Variants in SPOCK1 observed in about 807,000 individuals in gnomAD.
SPOCK1 encodes testican-1.
In SPOCK1, 23 loss-of-function variants were observed where a neutral mutation model predicts 55.3. The observed-to-expected ratio is 0.42, with a 90% CI of 0.30 to 0.59. SPOCK1 has a LOEUF of 0.59. Among genes scored for constraint, SPOCK1 ranks in the 20% least tolerant of loss-of-function variants. The pLI, the probability that SPOCK1 is intolerant of heterozygous loss-of-function variation, is 0.22. For missense variants in SPOCK1, 499 were observed against 552.5 expected, an observed-to-expected ratio of 0.90 and a Z score of 0.97; for synonymous variants, 226 against 221.0, an observed-to-expected ratio of 1.02 and a Z score of -0.20.
chr5:137,312,738 C>G (rs1757811356), intron 2 of SPOCK1, among the ~76,000 whole-genome samples: 1 of 152,182 alleles, frequency 6.6e-6, no homozygotes, highest in Non-Finnish European at 1.5e-5. Flanking sequence ...AAAGCACCCA[C>G]AGGGGCTGTG....
chr5:137,315,982 G>A (rs920596954), intron 2 of SPOCK1, among the ~76,000 whole-genome samples: 6 of 152,176 alleles, frequency 3.9e-5, no homozygotes, highest in South Asian at 2.1e-4. Flanking sequence ...GAGGTGAGCC[G>A]CTAGTTGTTG....
At chr5:137,490,602 G>A (rs944712760) in intron 2 of SPOCK1, among the ~76,000 whole-genome samples, 1 of 152,136 alleles carries the variant, frequency 6.6e-6, no homozygotes, top group Non-Finnish European at 1.5e-5. Flanking sequence ...GTGAGCTGGA[G>A]GCAACTGGAT....
chr5:137,454,118 G>A (rs1351462527), intron 2 of SPOCK1, among the ~76,000 whole-genome samples: 2 of 152,150 alleles, frequency 1.3e-5, no homozygotes, highest in African/African-American at 4.8e-5. Context: ...TGAGAATAGT[G>A]AAGATAAATC....
chr5:137,001,170 C>A (rs2881776), intron 6 of SPOCK1, among the ~76,000 whole-genome samples: 4 of 152,058 alleles, frequency 2.6e-5, no homozygotes, highest in Admixed American at 6.5e-5. Context: ...ATTAGGACCA[C>A]GAGGAGAATG....
chr5:137,251,821 A>G (rs56302047), intron 3 of SPOCK1, among the ~76,000 whole-genome samples: 5,118 of 152,300 alleles, frequency 0.034, 322 homozygotes, highest in African/African-American at 0.12. Flanking sequence ...GAGATAATAC[A>G]TTACAATTTG....
Position 137,246,707 on chromosome 5 carries a change from C to T in SPOCK1, c.232+20303G>A, listed in dbSNP as rs921032132. On this transcript the variant is annotated intron_variant, in intron 3 of 10. Coordinates refer to ENST00000394945, the MANE Select transcript of SPOCK1 (RefSeq NM_004598.4). ...ATCTGCCATGAATGACCACTCCCAC[C>T]CACTACTCTAGATCTCATTCTGTCA... 2.6e-5 allele frequency among the ~76,000 whole-genome samples: 4 copies of T among 152,164 alleles called. No homozygotes were observed. In the East Asian group the frequency reaches 7.7e-4, roughly 29 times the overall value.
intron 2 of SPOCK1, among the ~76,000 whole-genome samples, chr5:137,423,894 T>C (rs1266423300): frequency 6.6e-6 from 1 of 152,252 alleles, no homozygotes; most frequent in African/African-American, 2.4e-5. Flanking sequence ...AGCTGTAGAC[T>C]GGAGCTGTTC....
chr5:137,269,478 C>G (rs1486373904), intron 2 of SPOCK1, among the ~76,000 whole-genome samples: 1 of 152,158 alleles, frequency 6.6e-6, no homozygotes, highest in African/African-American at 2.4e-5. Flanking sequence ...GGCACCAGAG[C>G]CCACTTGGGG....
chr5:137,489,169 G>A (rs1359100224), intron 2 of SPOCK1, among the ~76,000 whole-genome samples: 2 of 152,178 alleles, frequency 1.3e-5, no homozygotes, highest in Non-Finnish European at 2.9e-5. Context: ...GCAAGAAGGT[G>A]CACATGCTAT....
At chr5:137,251,538 C>G (rs564705882) in intron 3 of SPOCK1, among the ~76,000 whole-genome samples, 1 of 152,292 alleles carries the variant, frequency 6.6e-6, no homozygotes, top group African/African-American at 2.4e-5. Context: ...TTATAGAACA[C>G]AAGGCTGATG....
At chr5:136,985,850 AGTGACCTCATTCATTC>A (rs573082177) in intron 8 of SPOCK1, among the ~76,000 whole-genome samples, 10 of 152,196 alleles carry the variant, frequency 6.6e-5, no homozygotes, top group Non-Finnish European at 1.5e-4. Context: ...CAAAATGAAA[AGTGACCTCATTCATTC>A]TTCAGAGTTT....
chr5:137,187,920 A>G (rs541569535), intron 3 of SPOCK1, among the ~76,000 whole-genome samples: 2 of 152,382 alleles, frequency 1.3e-5, no homozygotes, highest in African/African-American at 4.8e-5. Context: ...CCAAGTAATT[A>G]GTTAGCATAA....
At chr5:137,226,440 C>T (rs1027939426) in intron 3 of SPOCK1, among the ~76,000 whole-genome samples, 6 of 152,222 alleles carry the variant, frequency 3.9e-5, no homozygotes, top group African/African-American at 1.2e-4. Flanking sequence ...GTAAGTGATG[C>T]TGGATTGCAA....
chr5:137,201,822 T>C (rs1755431741), intron 3 of SPOCK1, among the ~76,000 whole-genome samples: 1 of 152,146 alleles, frequency 6.6e-6, no homozygotes, highest in Non-Finnish European at 1.5e-5. Flanking sequence ...CAATACTCTA[T>C]CAACTCTGAG....
At chr5:137,338,195 C>T (rs182924532) in intron 2 of SPOCK1, among the ~76,000 whole-genome samples, 158 of 147,920 alleles carry the variant, frequency 1.1e-3, no homozygotes, top group Non-Finnish European at 1.8e-3. Context: ...CAGTCCCCAG[C>T]GTGTGATGTT....
rs539260237 is a variant in SPOCK1, at chr5:137,453,787, T to C, written c.186+44586A>G. On this transcript the variant is annotated intron_variant, in intron 2 of 10. Transcript: ENST00000394945. ...GGTAGAGCGAGACATGATCAAGGTG[T>C]CCTTGTGTGTTTCTTATTGCCCTGT... Among the ~76,000 whole-genome samples, 4 of 152,264 alleles carry C rather than the reference T, an allele frequency of 2.6e-5. 1 individual carries two copies. The highest frequency in any genetic ancestry group is 2.6e-4 in the Admixed American group (4 of 15,292).
At chr5:137,130,140 C>T (rs1406878876) in intron 4 of SPOCK1, among the ~76,000 whole-genome samples, 1 of 152,156 alleles carries the variant, frequency 6.6e-6, no homozygotes, top group Non-Finnish European at 1.5e-5. Flanking sequence ...CTGTCATAAC[C>T]TTTACAAAGG....
In SPOCK1 at chr5:137,330,009, T is replaced by C. The variant is rs113418780; in HGVS notation, c.187-62954A>G. On this transcript the variant is annotated intron_variant, in intron 2 of 10. Coordinates refer to ENST00000394945, the MANE Select transcript of SPOCK1 (RefSeq NM_004598.4). ...GAGCTGGATCCAGATCAGCCATTAT[T>C]ATATGTCCCATGGGAAGCAGACCTG... 4.4e-3 allele frequency among the ~76,000 whole-genome samples: 665 copies of C among 152,256 alleles called. 7 individuals carry two copies. The highest frequency in any genetic ancestry group is 0.014 in the African/African-American group (596 of 41,534).
intron 4 of SPOCK1, among the ~76,000 whole-genome samples, chr5:137,117,134 ACC>A (rs1242409919): frequency 6.6e-6 from 1 of 152,128 alleles, no homozygotes; most frequent in Non-Finnish European, 1.5e-5. Flanking sequence ...CATGCTGGAC[ACC>A]TCCATCTTCC....
Sources: allele counts gnomAD v4.1 joint callset (sites outside exome capture counted in the v4.1 genomes callset), GRCh38; gene constraint gnomAD v4.1.1; transcripts MANE v1.5; gene names NCBI Gene and HGNC (gene_info 2026-07-23, HGNC 2026-07-21).